Variants in PSD3 observed in about 807,000 individuals in gnomAD.
PSD3 encodes the protein PH and SEC7 domain-containing protein 3.
Under a neutral mutation model 105.5 loss-of-function variants are expected in PSD3, and 49 were observed. That is an observed-to-expected ratio of 0.46 (90% CI 0.37 to 0.59). PSD3 has a LOEUF of 0.59. Ranked by LOEUF, PSD3 falls within the 20% of genes least tolerant of loss-of-function variation. The pLI, the probability that PSD3 is intolerant of heterozygous loss-of-function variation, is 0.00. For missense variants in PSD3, 1,561 were observed against 1,263.8 expected (o/e 1.24, Z -3.57); for synonymous variants, 557 against 457.8 (o/e 1.22, Z -2.77).
At chr8:18,670,163 G>C (rs2046667) in intron 9 of PSD3, among the ~76,000 whole-genome samples, 1 of 152,164 alleles carries the variant, frequency 6.6e-6, no homozygotes, top group South Asian at 2.1e-4. Flanking sequence ...AACGTAAGAC[G>C]TGAGTGACCG....
intron 10 of PSD3, among the ~76,000 whole-genome samples, chr8:18,642,861 C>T (rs976689263): frequency 6.6e-6 from 1 of 152,070 alleles, no homozygotes; most frequent in Non-Finnish European, 1.5e-5. Context: ...AAAATTTGGC[C>T]TTTTAAAGCT....
chr8:18,677,813 A>T (rs962790971), intron 9 of PSD3, among the ~76,000 whole-genome samples: 1 of 152,136 alleles, frequency 6.6e-6, no homozygotes, highest in African/African-American at 2.4e-5. Context: ...GATCAAAACC[A>T]TCCTGGCTAA....
intron 2 of PSD3, among the ~76,000 whole-genome samples, chr8:18,893,807 C>T (rs1818969866): frequency 6.6e-6 from 1 of 152,190 alleles, no homozygotes; most frequent in South Asian, 2.1e-4. Context: ...GGCTCACAGG[C>T]AACATGCTCT....
At chr8:18,909,744 A>G (rs1820081005) in intron 2 of PSD3, among the ~76,000 whole-genome samples, 1 of 152,202 alleles carries the variant, frequency 6.6e-6, no homozygotes, top group Non-Finnish European at 1.5e-5. Flanking sequence ...TTGGCCTCCC[A>G]AAGTGCTGGG....
At chr8:18,653,053 G>A (rs1240372562) in intron 10 of PSD3, among the ~76,000 whole-genome samples, 3 of 152,142 alleles carry the variant, frequency 2.0e-5, no homozygotes, top group Non-Finnish European at 1.5e-5. Flanking sequence ...TGATAACAGA[G>A]AGATCTGTTT....
intron 9 of PSD3, chr8:18,683,937 G>A (rs1471748880): frequency 2.6e-6 from 2 of 761,572 alleles, no homozygotes; most frequent in Non-Finnish European, 4.8e-6. Context: ...AATCATTTTC[G>A]AAGGTCAACT....
intron 1 of PSD3, among the ~76,000 whole-genome samples, chr8:19,068,487 C>T (rs1829149612): frequency 6.6e-6 from 1 of 152,054 alleles, no homozygotes; most frequent in Non-Finnish European, 1.5e-5. Flanking sequence ...GACAAGGTTT[C>T]ACTATGTTGT....
chr8:18,546,967 G>A (rs1295121395), intron 15 of PSD3, among the ~76,000 whole-genome samples: 4 of 152,198 alleles, frequency 2.6e-5, no homozygotes, highest in African/African-American at 9.6e-5. Context: ...AGAACATGGT[G>A]GTTCTGCTGG....
intron 9 of PSD3, among the ~76,000 whole-genome samples, chr8:18,732,404 T>A (rs1803827179): frequency 6.6e-6 from 1 of 152,230 alleles, no homozygotes; most frequent in South Asian, 2.1e-4. Context: ...GGGCTTTAAA[T>A]CATCATCAGT....
chr8:18,735,425 C>T (rs147004421), intron 9 of PSD3, among the ~76,000 whole-genome samples: 5 of 152,174 alleles, frequency 3.3e-5, no homozygotes, highest in Admixed American at 2.0e-4. Context: ...GGACGATAAA[C>T]GTACCCAAGT....
At chr8:18,980,456 G>T (rs73590669) in intron 1 of PSD3, among the ~76,000 whole-genome samples, 2 of 151,934 alleles carry the variant, frequency 1.3e-5, no homozygotes, top group Non-Finnish European at 2.9e-5. Flanking sequence ...TGGTTGGTTC[G>T]TTGGTTGGTT....
intron 10 of PSD3, among the ~76,000 whole-genome samples, chr8:18,652,989 T>G (rs916160876): frequency 6.6e-6 from 1 of 152,212 alleles, no homozygotes; most frequent in African/African-American, 2.4e-5. Flanking sequence ...ACATCAGGTT[T>G]TTAAATTCAA....
intron 1 of PSD3, among the ~76,000 whole-genome samples, chr8:18,996,944 C>T (rs1477928059): frequency 6.6e-6 from 1 of 151,884 alleles, no homozygotes; most frequent in Non-Finnish European, 1.5e-5. Flanking sequence ...GAATCTGACT[C>T]ATCTTGCTTG....
chr8:18,571,445 T>C (rs1281556239), intron 14 of PSD3, among the ~76,000 whole-genome samples: 1 of 152,132 alleles, frequency 6.6e-6, no homozygotes, highest in African/African-American at 2.4e-5. Flanking sequence ...AGGTACCACA[T>C]TTCCTCCTTC....
At chr8:18,884,579 T>C (rs1334226454) in intron 2 of PSD3, among the ~76,000 whole-genome samples, 2 of 152,066 alleles carry the variant, frequency 1.3e-5, no homozygotes, top group African/African-American at 2.4e-5. Flanking sequence ...TGGACACTGA[T>C]AATGCTAAAG....
At chr8:18,970,016 T>C (rs1043129957) in intron 1 of PSD3, among the ~76,000 whole-genome samples, 2 of 149,718 alleles carry the variant, frequency 1.3e-5, no homozygotes, top group African/African-American at 4.9e-5. Flanking sequence ...AAAGAAACGC[T>C]AGGTAAAAGG....
At chr8:18,801,172 C>T (rs1810645886) in intron 7 of PSD3, 98 bp downstream of exon 7, 7 of 679,304 alleles carry the variant, frequency 1.0e-5, no homozygotes, top group Non-Finnish European at 1.7e-5. Flanking sequence ...CACTAGGTAA[C>T]TGAAGATACA....
chr8:18,828,137 G>A (rs1813383048), intron 4 of PSD3, among the ~76,000 whole-genome samples: 1 of 148,376 alleles, frequency 6.7e-6, no homozygotes, highest in Admixed American at 6.8e-5. Context: ...AAAGTTGCAG[G>A]CAGCAGAGCT....
In PSD3 at chr8:18,988,300, A is replaced by G. The variant is rs1825613196; in HGVS notation, c.21+25263T>C. On this transcript the variant is annotated intron_variant, in intron 1 of 15. Transcript: ENST00000327040. ...TCGTGTAGTAAAGGGAATGAAAGGA[A>G]AAGCACGAAAGCCCTATTCCCAAAC... 2.0e-5 allele frequency among the ~76,000 whole-genome samples: 3 copies of G among 152,176 alleles called. No individual in the cohort carries two copies. In the South Asian group the frequency reaches 6.2e-4, roughly 32 times the overall value.
Sources: allele counts gnomAD v4.1 joint callset (sites outside exome capture counted in the v4.1 genomes callset), GRCh38; gene constraint gnomAD v4.1.1; transcripts MANE v1.5; gene names NCBI Gene and HGNC (gene_info 2026-07-23, HGNC 2026-07-21).